The following EMX1 variants were observed in gnomAD, a reference collection of about 807,000 sequenced individuals.
EMX1 encodes the protein empty spiracles homeobox 1, also known as homeobox protein EMX1.
In EMX1, 10 loss-of-function variants were observed where a neutral mutation model predicts 20.1. That is an observed-to-expected ratio of 0.50 (90% CI 0.31 to 0.84). EMX1 has a LOEUF of 0.84. Ranked by LOEUF, EMX1 falls within the 40% of genes least tolerant of loss-of-function variation. The pLI, the probability that EMX1 is intolerant of heterozygous loss-of-function variation, is 0.05. For synonymous variants in EMX1, 250 were observed against 200.4 expected (o/e 1.25, Z -2.09); for missense variants, 424 against 431.9 (o/e 0.98, Z 0.16).
At chr2:72,916,408 C>G (rs1348083890), upstream of EMX1, 3 of 503,730 alleles carry the variant, frequency 6.0e-6, no homozygotes, top group Non-Finnish European at 1.1e-5. Context: ...CGCAGTGCGC[C>G]GGCAAGGTCC....
intron 2 of EMX1, among the ~76,000 whole-genome samples, chr2:72,927,331 C>G (rs1481677129): frequency 6.6e-6 from 1 of 152,156 alleles, no homozygotes; most frequent in African/African-American, 2.4e-5. Context: ...CTGGCTTTGT[C>G]TTCTCTCTGG....
At position 72,934,130 on chromosome 2, in the gene EMX1, T is replaced by G; in HGVS notation, c.*176T>G. ...ATTGACAGAGGGACAAGCAATGGGC[T>G]GGCTGAGGCCTGGGACCACTTGGCC... is the stretch of plus-strand genomic sequence containing the variant. On this transcript the variant is annotated 3_prime_UTR_variant, in exon 3 of 3. Transcript: ENST00000258106. 2 of 934,334 alleles carry G rather than the reference T, an allele frequency of 2.1e-6. No individual in the cohort carries two copies. The highest frequency in any genetic ancestry group is 3.1e-6 in the Non-Finnish European group (2 of 650,588). The allele number at this position is 934,334 out of a possible 1,614,324, so 57.9% of individuals were successfully genotyped here. A position where few individuals can be genotyped will look rare whatever the true frequency, so the allele number is the denominator to read the frequency against.
upstream of EMX1, chr2:72,916,375 G>GGAACTCTCTGCGGC: frequency 2.4e-6 from 1 of 417,142 alleles, no homozygotes; most frequent in Non-Finnish European, 4.3e-6. Flanking sequence ...GCGAGGAAGC[G>GGAACTCTCTGCGGC]GAACTCTCTG....
intron 1 of EMX1, among the ~76,000 whole-genome samples, chr2:72,918,811 C>G (rs1269162939): frequency 6.6e-6 from 1 of 152,182 alleles, no homozygotes; most frequent in Admixed American, 6.5e-5. Context: ...CTGGCGCGTC[C>G]GGGCGGGGGA....
intron 2 of EMX1, among the ~76,000 whole-genome samples, chr2:72,927,311 A>G (rs1671221457): frequency 6.6e-6 from 1 of 152,178 alleles, no homozygotes; most frequent in South Asian, 2.1e-4. Flanking sequence ...ATGGTTATCT[A>G]TTATTGGCTC....
chr2:72,934,095 C>G lies in EMX1; in HGVS notation c.*141C>G. ...TCATGGCCCCACAGGGCTTGAAGCC[C>G]GGGGCCGCCATTGACAGAGGGACAA... On this transcript the variant is annotated 3_prime_UTR_variant, in exon 3 of 3. Transcript: ENST00000258106. 8.4e-7 allele frequency: 1 copy of G among 1,193,474 alleles called. No individual in the cohort carries two copies. The highest frequency in any genetic ancestry group is 1.1e-6 in the Non-Finnish European group (1 of 875,824). The allele number at this position is 1,193,474 out of a possible 1,614,324, so 73.9% of individuals were successfully genotyped here.
At chr2:72,916,378 ACT>A (rs931998156), upstream of EMX1, 12 of 423,326 alleles carry the variant, frequency 2.8e-5, no homozygotes, top group African/African-American at 1.9e-4. Flanking sequence ...AGGAAGCGGA[ACT>A]CTCTGCGGCT....
chr2:72,922,638 A>G (rs577803634), intron 1 of EMX1, among the ~76,000 whole-genome samples: 9 of 152,364 alleles, frequency 5.9e-5, no homozygotes, highest in Non-Finnish European at 1.3e-4. Context: ...ACTCTGTTCC[A>G]CAGAAAACTC....
intron 2 of EMX1, among the ~76,000 whole-genome samples, chr2:72,929,378 A>G (rs1024431988): frequency 1.2e-4 from 18 of 152,172 alleles, no homozygotes; most frequent in African/African-American, 4.3e-4. Flanking sequence ...AGGGAGGCTT[A>G]GGGAGATCAT....
chr2:72,916,593 G>C (rs1670965980), upstream of EMX1: 1 of 654,646 alleles, frequency 1.5e-6, no homozygotes, highest in Admixed American at 2.2e-5. Context: ...GAGCAGAGTC[G>C]TCCGCGGTTC....
Position 72,934,014 on chromosome 2 carries a change from G to T in EMX1, c.*60G>T. On this transcript the variant is annotated 3_prime_UTR_variant, in exon 3 of 3. Transcript: ENST00000258106. Reference sequence around the variant, plus strand: ...TGCTTGCTGCTGGCCAGGCCCCTGCGTGGGCCCAAGCTGGACTCTGGCCAC... The same window carrying T: ...TGCTTGCTGCTGGCCAGGCCCCTGCTTGGGCCCAAGCTGGACTCTGGCCAC... 6.3e-7 allele frequency: 1 copy of T among 1,598,594 alleles called. No homozygotes were observed.
chr2:72,925,571 G>A (rs892491305), intron 2 of EMX1: 113 of 1,285,592 alleles, frequency 8.8e-5, no homozygotes, highest in Non-Finnish European at 1.1e-4. Context: ...GCTACCTCCC[G>A]GCTGACTTTT....
chr2:72,924,078 C>T, intron 1 of EMX1: 2 of 609,658 alleles, frequency 3.3e-6, no homozygotes, highest in Admixed American at 2.7e-5. Flanking sequence ...TCCCCGCGTT[C>T]CCCCGCGGAG....
chr2:72,918,705 C>T (rs557337303), intron 1 of EMX1, among the ~76,000 whole-genome samples: 11 of 152,344 alleles, frequency 7.2e-5, no homozygotes, highest in African/African-American at 1.7e-4. Context: ...AGTCTCAGAC[C>T]AGAGTACAAC....
At position 72,917,620 on chromosome 2, in the gene EMX1, G is replaced by C. The variant is rs1173038982; in HGVS notation, c.-233G>C. The C allele has an allele frequency of 8.4e-6, 2 of 238,736 alleles. No individual in the cohort carries two copies. The highest frequency in any genetic ancestry group is 1.6e-5 in the Non-Finnish European group (2 of 127,470). 14.8% of individuals were successfully genotyped at this position (238,736 alleles called of 1,614,324 possible). A position where few individuals can be genotyped will look rare whatever the true frequency, so the allele number is the denominator to read the frequency against. On this transcript the variant is annotated 5_prime_UTR_variant, in exon 1 of 3. Coordinates refer to ENST00000258106, the MANE Select transcript of EMX1 (RefSeq NM_004097.3). ...AGCGGGACTCCGAAAGGAGGGAGAC[G>C]AGCTCAACCCTCGGGCCTTACTGGC...
Position 72,925,316 on chromosome 2 carries a change from T to G in EMX1, c.705+823T>G, listed in dbSNP as rs1442496326. ...GTGTTTTTGTAACTGATCGTTAATTTAAGGGAAAAAATTAAAGAATTAGAT... is the reference window on the plus strand; with the variant it reads ...GTGTTTTTGTAACTGATCGTTAATTGAAGGGAAAAAATTAAAGAATTAGAT... On this transcript the variant is annotated intron_variant, in intron 2 of 2. Transcript: ENST00000258106. The G allele has an allele frequency of 5.5e-6, 6 of 1,090,452 alleles. No homozygotes were observed. In the East Asian group the frequency reaches 4.5e-4, roughly 83 times the overall value. The allele number at this position is 1,090,452 out of a possible 1,614,324, so 67.5% of individuals were successfully genotyped here. A position where few individuals can be genotyped will look rare whatever the true frequency, so the allele number is the denominator to read the frequency against.
At chr2:72,923,936 A>C (rs1198911217) in intron 1 of EMX1, 2 of 339,538 alleles carry the variant, frequency 5.9e-6, no homozygotes, top group African/African-American at 2.1e-5. Flanking sequence ...AAGGGCGGAG[A>C]AAGAGCGCCA....
At position 72,925,435 on chromosome 2, in the gene EMX1, C is replaced by G; in HGVS notation, c.705+942C>G. On this transcript the variant is annotated intron_variant, in intron 2 of 2. Coordinates refer to ENST00000258106, the MANE Select transcript of EMX1 (RefSeq NM_004097.3). ...ATCACTGCATAAGCTCTTGGTCCACCCAGGTCCGACGTGTTGGAGTGGGGC... is the reference window on the plus strand; with the variant it reads ...ATCACTGCATAAGCTCTTGGTCCACGCAGGTCCGACGTGTTGGAGTGGGGC... The G allele has an allele frequency of 3.1e-6, 4 of 1,287,054 alleles. 1 individual carries two copies. The highest frequency in any genetic ancestry group is 4.1e-6 in the Non-Finnish European group (4 of 987,394). The allele number at this position is 1,287,054 out of a possible 1,614,324, so 79.7% of individuals were successfully genotyped here.
intron 2 of EMX1, among the ~76,000 whole-genome samples, chr2:72,924,822 CAGCGCAGGCA>C (rs1671167158): frequency 6.6e-6 from 1 of 152,216 alleles, no homozygotes; most frequent in African/African-American, 2.4e-5. Context: ...CGGGAGCGGG[CAGCGCAGGCA>C]GCACCGAGGC....
Sources: gnomAD v4.1 joint callset for allele counts (sites outside exome capture counted in the v4.1 genomes callset) on GRCh38, gnomAD v4.1.1 for gene constraint, MANE v1.5 for transcripts, NCBI Gene and HGNC (gene_info 2026-07-23, HGNC 2026-07-21) for gene names.